WNT2B: variants seen among roughly 807,000 people sequenced by gnomAD.
WNT2B encodes the protein protein Wnt-2b.
A neutral mutation model predicts 40.5 loss-of-function variants in WNT2B; 19 were observed. The observed-to-expected ratio is 0.47, with a 90% CI of 0.33 to 0.69. WNT2B has a LOEUF of 0.69. WNT2B is among the 30% of genes least tolerant of loss of function. WNT2B has a pLI of 0.02. For missense variants in WNT2B, 467 were observed against 556.4 expected, an observed-to-expected ratio of 0.84 and a Z score of 1.62; for synonymous variants, 220 against 211.9, an observed-to-expected ratio of 1.04 and a Z score of -0.33.
intron 1 of WNT2B, among the ~76,000 whole-genome samples, chr1:112,469,059 G>C (rs1192703410): frequency 6.7e-6 from 1 of 149,682 alleles, no homozygotes; most frequent in African/African-American, 2.4e-5. Flanking sequence ...TATTGAAGAG[G>C]GTGTTCTTTC....
chr1:112,500,135 T>G (rs181675827), intron 1 of WNT2B, among the ~76,000 whole-genome samples: 1 of 152,270 alleles, frequency 6.6e-6, no homozygotes, highest in African/African-American at 2.4e-5. Context: ...ATTGCTAAGG[T>G]AGTGACTCTC....
chr1:112,471,760 G>C (rs1557905266), intron 1 of WNT2B, among the ~76,000 whole-genome samples: 1 of 152,188 alleles, frequency 6.6e-6, no homozygotes, highest in Non-Finnish European at 1.5e-5. Context: ...GGAAGCAAAG[G>C]AGAAACAAGT....
intron 1 of WNT2B, among the ~76,000 whole-genome samples, chr1:112,512,461 T>C (rs1652390363): frequency 6.6e-6 from 1 of 152,200 alleles, no homozygotes; most frequent in South Asian, 2.1e-4. Context: ...ATGATACAGA[T>C]ACTGCTGTTC....
chr1:112,471,287 G>T (rs1419373315), intron 1 of WNT2B, among the ~76,000 whole-genome samples: 1 of 152,186 alleles, frequency 6.6e-6, no homozygotes, highest in Admixed American at 6.5e-5. Flanking sequence ...GTTTGTATGG[G>T]TAGAGGAGCT....
chr1:112,480,184 TG>T (rs1269869712), intron 1 of WNT2B, among the ~76,000 whole-genome samples: 1 of 151,902 alleles, frequency 6.6e-6, no homozygotes, highest in African/African-American at 2.4e-5. Flanking sequence ...CTTGCCAACA[TG>T]GTGAAATCCT....
At chr1:112,485,180 T>G (rs1759695) in intron 1 of WNT2B, among the ~76,000 whole-genome samples, 1 of 152,174 alleles carries the variant, frequency 6.6e-6, no homozygotes, top group Admixed American at 6.5e-5. Flanking sequence ...TCGTCAGGCC[T>G]GGGGGCATGA....
At chr1:112,505,909 C>T (rs1652091965), upstream of WNT2B, among the ~76,000 whole-genome samples, 1 of 152,166 alleles carries the variant, frequency 6.6e-6, no homozygotes, top group Non-Finnish European at 1.5e-5. Flanking sequence ...AGTCTAGTCC[C>T]CTCACCCACT....
chr1:112,484,284 T>TATATATACAC, intron 1 of WNT2B, among the ~76,000 whole-genome samples: 1 of 106,600 alleles, frequency 9.4e-6, no homozygotes, highest in African/African-American at 4.7e-5. Flanking sequence ...TATATATATA[T>TATATATACAC]ATATATACAC....
At chr1:112,516,523 G>A in intron 3 of WNT2B, 106 bp downstream of exon 3, 1 of 1,433,510 alleles carries the variant, frequency 7.0e-7, no homozygotes, top group East Asian at 2.4e-5. Flanking sequence ...AAGGCTTCTG[G>A]GTCACTTCCA....
chr1:112,502,526 T>A (rs969479156), intron 1 of WNT2B, among the ~76,000 whole-genome samples: 1 of 152,202 alleles, frequency 6.6e-6, no homozygotes, highest in Non-Finnish European at 1.5e-5. Context: ...AAGAGAGACC[T>A]CTCCAAAGGA....
upstream of WNT2B, among the ~76,000 whole-genome samples, chr1:112,507,360 C>T (rs1233719858): frequency 6.6e-6 from 1 of 152,192 alleles, no homozygotes; most frequent in Non-Finnish European, 1.5e-5. Context: ...TAGCACAGTC[C>T]TGGCATGTGG....
chr1:112,520,475 C>T lies in WNT2B; in HGVS notation c.1142C>T (p.Ala381Val), dbSNP rs761344062. Reference sequence around the variant, plus strand: ...ACTGTGGACGTCCATACTTGCAAAGCCCCCAAGAAGGCAGAGTGGCTGGAC... The same window carrying T: ...ACTGTGGACGTCCATACTTGCAAAGTCCCCAAGAAGGCAGAGTGGCTGGAC... The part of the protein sequence containing the change: ...RNTVDVHTCK[A>V]PKKAEWLDQT Residue 381 changes from alanine (A) to valine (V), a missense_variant, in exon 5 of 5, where the codon GCC (alanine) becomes GTC (valine). Ala to Val is a moderately conservative substitution (Grantham distance 64, BLOSUM62 0). This residue lies in a region of WNT2B where 330 missense variants were observed against 438.6 expected (regional missense o/e 0.75). Coordinates refer to ENST00000369684, the MANE Select transcript of WNT2B (RefSeq NM_024494.3). 4 of 1,614,054 alleles carry T rather than the reference C, an allele frequency of 2.5e-6. No individual in the cohort carries two copies. Among genetic ancestry groups the T allele is most frequent in the Non-Finnish European group, 3.4e-6 (4 of 1,180,026 alleles).
At chr1:112,476,910 C>T (rs1056824926) in intron 1 of WNT2B, among the ~76,000 whole-genome samples, 1 of 152,222 alleles carries the variant, frequency 6.6e-6, no homozygotes, top group African/African-American at 2.4e-5. Flanking sequence ...ACTTCTGACA[C>T]TGGCACCACC....
chr1:112,483,811 A>T (rs571615760), intron 1 of WNT2B, among the ~76,000 whole-genome samples: 44 of 151,294 alleles, frequency 2.9e-4, no homozygotes, highest in African/African-American at 1.0e-3. Flanking sequence ...GAATAAATTT[A>T]AAAAATAAAT....
intron 1 of WNT2B, among the ~76,000 whole-genome samples, chr1:112,484,880 A>G (rs1651366021): frequency 6.6e-6 from 1 of 152,240 alleles, no homozygotes; most frequent in South Asian, 2.1e-4. Flanking sequence ...CACAAAAACT[A>G]CAAGTCATTG....
chr1:112,525,907 A>T lies in WNT2B; in HGVS notation c.*5398A>T. The T allele has an allele frequency of 6.7e-7, 1 of 1,490,012 alleles. No individual in the cohort carries two copies. Among genetic ancestry groups the T allele is most frequent in the Admixed American group, 2.1e-5 (1 of 48,070 alleles). 92.3% of individuals were successfully genotyped at this position (1,490,012 alleles called of 1,614,324 possible). ...TCATATGCAAAATGCTTTAGCATAT[A>T]TGTAATCCTCACAACAACCCTGTGA... On this transcript the variant is annotated 3_prime_UTR_variant, in exon 5 of 5. Coordinates refer to ENST00000369684, the MANE Select transcript of WNT2B (RefSeq NM_024494.3).
At chr1:112,491,178 G>A in intron 1 of WNT2B, 2 of 1,213,670 alleles carry the variant, frequency 1.6e-6, no homozygotes, top group African/African-American at 3.0e-5. Flanking sequence ...CAGAGGCTGA[G>A]GCGGGTGGAT....
chr1:112,490,634 C>T (rs1201681191), intron 1 of WNT2B, among the ~76,000 whole-genome samples: 9 of 151,806 alleles, frequency 5.9e-5, no homozygotes, highest in Non-Finnish European at 1.3e-4. Context: ...GGACTACCGG[C>T]GCCCATCACC....
At position 112,529,171 on chromosome 1, in the gene WNT2B, T is replaced by C. The variant is rs893826212; in HGVS notation, c.*8662T>C. On this transcript the variant is annotated 3_prime_UTR_variant, in exon 5 of 5. Coordinates refer to ENST00000369684, the MANE Select transcript of WNT2B (RefSeq NM_024494.3). ...GTGGCACTGAGTGTGTGTGTGTTTG[T>C]GTGTTTGTGTGTGTGTGTACACTGA... The C allele has an allele frequency of 1.1e-4, 17 of 152,202 alleles. No homozygotes were observed. The highest frequency in any genetic ancestry group is 4.1e-4 in the African/African-American group (17 of 41,426). The allele number at this position is 152,202 out of a possible 1,614,324, so 9.4% of individuals were successfully genotyped here. A position where few individuals can be genotyped will look rare whatever the true frequency, so the allele number is the denominator to read the frequency against.
Sources: allele counts gnomAD v4.1 joint callset (sites outside exome capture counted in the v4.1 genomes callset), GRCh38; gene constraint gnomAD v4.1.1; regional missense constraint gnomAD v4.1.1; transcripts MANE v1.5; gene names NCBI Gene and HGNC (gene_info 2026-07-23, HGNC 2026-07-21).